The following AP4S1 variants were observed in gnomAD, a reference collection of about 807,000 sequenced individuals.
AP4S1 encodes the protein adaptor related protein complex 4 subunit sigma 1.
AP4S1 carries 23 observed loss-of-function variants against 19.8 expected under a neutral mutation model. The observed-to-expected ratio is 1.16, with a 90% confidence interval of 0.84 to 1.65. AP4S1 has a LOEUF of 1.65. Among genes scored for constraint, AP4S1 ranks in the 40% most tolerant of loss-of-function variants. AP4S1 has a pLI of 0.00. For missense variants in AP4S1, 166 were observed against 172.8 expected (o/e 0.96, Z 0.22); for synonymous variants, 46 against 54.1 (o/e 0.85, Z 0.66).
intron 4 of AP4S1, among the ~76,000 whole-genome samples, chr14:31,074,575 A>T (rs1256734986): frequency 6.6e-6 from 1 of 151,742 alleles, no homozygotes; most frequent in Non-Finnish European, 1.5e-5. Flanking sequence ...CCAGCTACTC[A>T]GGAGGCTGAA....
At chr14:31,084,262 T>C (rs1887808741) in intron 5 of AP4S1, among the ~76,000 whole-genome samples, 1 of 152,182 alleles carries the variant, frequency 6.6e-6, no homozygotes, top group African/African-American at 2.4e-5. Context: ...ACCTGATCAA[T>C]TCCCAGGAAG....
chr14:31,080,508 T>C, intron 4 of AP4S1, 65 bp from the exon 5 acceptor site: 1 of 1,379,594 alleles, frequency 7.2e-7, no homozygotes, highest in East Asian at 2.3e-5. Flanking sequence ...TCAGTCTGAC[T>C]CTGCTAAGAG....
At chr14:31,086,926 A>G (rs1438338071) in intron 5 of AP4S1, among the ~76,000 whole-genome samples, 1 of 151,972 alleles carries the variant, frequency 6.6e-6, no homozygotes, top group Non-Finnish European at 1.5e-5. Context: ...TGTTGTGATC[A>G]TAGCTCACTG....
At chr14:31,073,130 G>T in intron 4 of AP4S1, 157 bp downstream of exon 4, 1 of 691,864 alleles carries the variant, frequency 1.4e-6, no homozygotes, top group Non-Finnish European at 2.6e-6. Context: ...CTTTCCTTCT[G>T]GTTTATCCAA....
At chr14:31,035,403 G>A (rs1437031257) in intron 1 of AP4S1, among the ~76,000 whole-genome samples, 1 of 151,078 alleles carries the variant, frequency 6.6e-6, no homozygotes, top group Non-Finnish European at 1.5e-5. Flanking sequence ...CCATTGGCCA[G>A]GATGGTCTTG....
intron 1 of AP4S1, among the ~76,000 whole-genome samples, chr14:31,054,845 G>A (rs1249844326): frequency 1.5e-5 from 2 of 137,884 alleles, no homozygotes; most frequent in Admixed American, 1.5e-4. Context: ...TGTAGCCTGG[G>A]TGATAGAGCA....
At chr14:31,060,290 C>T (rs1886364814) in intron 1 of AP4S1, among the ~76,000 whole-genome samples, 1 of 151,932 alleles carries the variant, frequency 6.6e-6, no homozygotes, top group East Asian at 1.9e-4. Flanking sequence ...GTAGGTTCCA[C>T]GGGGCCTACT....
In AP4S1 at chr14:31,066,226, A is replaced by G. The variant is rs1450119046; in HGVS notation, c.30A>G (p.Lys10=). MIKFFLMVN[K]QGQTRLSKYY... is the part of the protein sequence containing the mutation. ...TAAAATTTTTCCTCATGGTGAATAA[A>G]CAAGGGCAGACTCGACTTTCTAAGT... The change falls in exon 2 of 6, where the codon AAA becomes AAG. Residue 10 remains lysine (K), a synonymous_variant. Coordinates refer to ENST00000542754, the MANE Select transcript of AP4S1 (RefSeq NM_001128126.3). 4 of 1,613,932 alleles carry G rather than the reference A, an allele frequency of 2.5e-6. No individual in the cohort carries two copies. Among genetic ancestry groups the G allele is most frequent in the Non-Finnish European group, 3.4e-6 (4 of 1,179,990 alleles).
chr14:31,038,207 T>C (rs1359553561), intron 1 of AP4S1, among the ~76,000 whole-genome samples: 2 of 152,138 alleles, frequency 1.3e-5, no homozygotes, highest in African/African-American at 4.8e-5. Context: ...AGTGATTAGC[T>C]CAACTTTCTA....
At chr14:31,069,668 C>T (rs1441080809) in intron 2 of AP4S1, among the ~76,000 whole-genome samples, 175 bp from the exon 3 acceptor site, 1 of 152,210 alleles carries the variant, frequency 6.6e-6, no homozygotes, top group African/African-American at 2.4e-5. Flanking sequence ...ACTAGAGATG[C>T]TTCCAAGTGG....
In AP4S1 at chr14:31,042,622, C is replaced by T. The variant is rs1462629998; in HGVS notation, c.-72+16835C>T. The stretch of plus-strand genomic sequence containing the variant: ...GTCTATATATAGTATATAGATTCCT[C>T]ATCCTCAGTTTTTCTCGCCAGCCTG... On this transcript the variant is annotated intron_variant, in intron 1 of 5. Transcript: ENST00000542754. Among the ~76,000 whole-genome samples, 4 of 152,134 alleles carry T rather than the reference C, an allele frequency of 2.6e-5. No homozygotes were observed. In the South Asian group the frequency reaches 8.3e-4, roughly 32 times the overall value.
chr14:31,039,763 G>A (rs1038687512), intron 1 of AP4S1, among the ~76,000 whole-genome samples: 1 of 151,554 alleles, frequency 6.6e-6, no homozygotes, highest in Non-Finnish European at 1.5e-5. Flanking sequence ...GCTAATTTTT[G>A]TATTTTTAGT....
chr14:31,043,586 A>G (rs1196498318), intron 1 of AP4S1, among the ~76,000 whole-genome samples: 1 of 152,192 alleles, frequency 6.6e-6, no homozygotes, highest in Non-Finnish European at 1.5e-5. Context: ...CATTTTCCTT[A>G]TCTCATTTAG....
rs576411455 is a variant in AP4S1, at chr14:31,061,647, ATT to A, written c.-71-4466_-71-4465del. Among the ~76,000 whole-genome samples the A allele has an allele frequency of 9.6e-4, 140 of 146,230 alleles. No individual in the cohort carries two copies. In the East Asian group the frequency reaches 0.017, roughly 18 times the overall value. ...CAGTTGCAAGTATACATTAAAATCA[ATT>A]TTTTTTTTTTTTGAGATGGAGTCTC... On this transcript the variant is annotated intron_variant, in intron 1 of 5. Coordinates refer to ENST00000542754, the MANE Select transcript of AP4S1 (RefSeq NM_001128126.3).
intron 1 of AP4S1, among the ~76,000 whole-genome samples, chr14:31,033,997 A>G (rs1884571337): frequency 6.6e-6 from 1 of 152,250 alleles, no homozygotes; most frequent in Non-Finnish European, 1.5e-5. Flanking sequence ...CCTCCTGGAC[A>G]TTGGCTAAGA....
At chr14:31,051,863 G>T (rs1451961866) in intron 1 of AP4S1, among the ~76,000 whole-genome samples, 1 of 152,112 alleles carries the variant, frequency 6.6e-6, no homozygotes, top group African/African-American at 2.4e-5. Context: ...GTTTAGCCAT[G>T]TTGGCCAAGC....
At chr14:31,045,932 C>T (rs977147606) in intron 1 of AP4S1, among the ~76,000 whole-genome samples, 1 of 151,342 alleles carries the variant, frequency 6.6e-6, no homozygotes, top group Non-Finnish European at 1.5e-5. Flanking sequence ...TCCCCACCCT[C>T]CAGCCTCCAG....
chr14:31,084,947 A>G, intron 5 of AP4S1: 1 of 1,611,644 alleles, frequency 6.2e-7, no homozygotes, highest in Non-Finnish European at 8.5e-7. Context: ...TCTTCAAATC[A>G]GTGCGTACCT....
At chr14:31,034,461 C>CT (rs563916891) in intron 1 of AP4S1, among the ~76,000 whole-genome samples, 168 of 151,952 alleles carry the variant, frequency 1.1e-3, no homozygotes, top group African/African-American at 3.8e-3. Context: ...TGTGCATAGA[C>CT]TTTTTTTGGG....
Sources: gnomAD v4.1 joint callset for allele counts (sites outside exome capture counted in the v4.1 genomes callset) on GRCh38, gnomAD v4.1.1 for gene constraint, MANE v1.5 for transcripts, NCBI Gene and HGNC (gene_info 2026-07-23, HGNC 2026-07-21) for gene names.